DPP10: variants seen among roughly 807,000 people sequenced by gnomAD.
The protein encoded by DPP10 is dipeptidyl peptidase like 10.
In DPP10, 33 loss-of-function variants were observed where a neutral mutation model predicts 120.9. The ratio of observed to expected loss-of-function variants is 0.27; its 90% CI spans 0.21 to 0.37. DPP10 has a LOEUF of 0.37. Ranked by LOEUF, DPP10 falls within the 10% of genes least tolerant of loss-of-function variation. The pLI, the probability that DPP10 is intolerant of heterozygous loss-of-function variation, is 1.00. For synonymous variants in DPP10, 337 were observed against 326.1 expected (o/e 1.03, Z -0.36); for missense variants, 816 against 942.8 (o/e 0.87, Z 1.76).
intron 5 of DPP10, among the ~76,000 whole-genome samples, chr2:115,536,940 T>G (rs1200660946): frequency 6.6e-6 from 1 of 152,080 alleles, no homozygotes. Context: ...TAGCAAGCGA[T>G]GGAGTAAAAG....
intron 7 of DPP10, among the ~76,000 whole-genome samples, chr2:115,700,420 G>A (rs2091836181): frequency 6.6e-6 from 1 of 151,840 alleles, no homozygotes; most frequent in African/African-American, 2.4e-5. Context: ...CTAGAAATAG[G>A]AGAAAAGTAC....
chr2:115,667,967 A>G lies in DPP10; in HGVS notation c.442-21720A>G, dbSNP rs567929769. Reference sequence around the variant, plus strand: ...CACAGGTGGGAATTTTAATATACAGATGATTAATATGTTAAATATATGTGT... The same window carrying G: ...CACAGGTGGGAATTTTAATATACAGGTGATTAATATGTTAAATATATGTGT... On this transcript the variant is annotated intron_variant, in intron 5 of 25. Transcript: ENST00000410059. Among the ~76,000 whole-genome samples, 17 of 152,226 alleles carry G rather than the reference A, an allele frequency of 1.1e-4. No individual in the cohort carries two copies. In the East Asian group the frequency reaches 3.3e-3, roughly 29 times the overall value.
intron 1 of DPP10, among the ~76,000 whole-genome samples, chr2:115,052,802 A>C (rs1222755245): frequency 6.6e-6 from 1 of 152,148 alleles, no homozygotes; most frequent in Non-Finnish European, 1.5e-5. Flanking sequence ...AAATACAAAA[A>C]TTAGCCGGAC....
At chr2:115,221,614 C>A (rs909306077) in intron 1 of DPP10, among the ~76,000 whole-genome samples, 6 of 152,094 alleles carry the variant, frequency 3.9e-5, no homozygotes, top group African/African-American at 1.2e-4. Context: ...CTTGTTTATT[C>A]TACACTGCCT....
intron 5 of DPP10, among the ~76,000 whole-genome samples, chr2:115,668,611 C>CCA (rs1227115415): frequency 6.6e-6 from 1 of 152,088 alleles, no homozygotes; most frequent in Non-Finnish European, 1.5e-5. Context: ...TCTCAGTTCA[C>CCA]CACAGGCTTC....
rs1468423074 is a variant in DPP10 at position 114,644,330 on chromosome 2, CTCTGTGTGTG to C, written c.60+201504_60+201513del. 1.3e-5 allele frequency among the ~76,000 whole-genome samples: 2 copies of C among 148,958 alleles called. 1 individual carries two copies. Among genetic ancestry groups the C allele is most frequent in the African/African-American group, 5.1e-5 (2 of 39,502 alleles). On this transcript the variant is annotated intron_variant, in intron 1 of 25. Transcript: ENST00000410059. ...ATGTAGTCCTACCTAATATAGTTTC[CTCTGTGTGTG>C]TCTGTGTGTGTGTGTGTGTGTGTGT...
chr2:114,865,210 T>C (rs1426550130), intron 1 of DPP10, among the ~76,000 whole-genome samples: 1 of 152,220 alleles, frequency 6.6e-6, no homozygotes, highest in Non-Finnish European at 1.5e-5. Context: ...TCAGTTTCAC[T>C]GCAGGGATCT....
At chr2:114,749,548 C>CTTTTATTTTG in intron 1 of DPP10, among the ~76,000 whole-genome samples, 2 of 125,632 alleles carry the variant, frequency 1.6e-5, no homozygotes, top group South Asian at 2.7e-4. Flanking sequence ...TCTAGCACTG[C>CTTTTATTTTG]TTTTATTTTA....
intron 5 of DPP10, among the ~76,000 whole-genome samples, chr2:115,671,301 A>G (rs186352909): frequency 1.3e-5 from 2 of 152,004 alleles, no homozygotes; most frequent in Admixed American, 1.3e-4. Flanking sequence ...CCAAGATGAT[A>G]TTTTAATTTA....
intron 1 of DPP10, among the ~76,000 whole-genome samples, chr2:114,625,614 G>A (rs1025809737): frequency 5.9e-5 from 9 of 151,886 alleles, no homozygotes; most frequent in South Asian, 4.1e-4. Context: ...TTTTAAAATC[G>A]TATGTTGATA....
chr2:114,646,408 G>A (rs1696140771), intron 1 of DPP10, among the ~76,000 whole-genome samples: 1 of 152,008 alleles, frequency 6.6e-6, no homozygotes, highest in Non-Finnish European at 1.5e-5. Flanking sequence ...AACGACAAGG[G>A]CACATATCAC....
At chr2:114,473,877 A>G (rs1481176840) in intron 1 of DPP10, among the ~76,000 whole-genome samples, 2 of 152,230 alleles carry the variant, frequency 1.3e-5, no homozygotes, top group African/African-American at 4.8e-5. Context: ...ACATACATAC[A>G]TACATACACA....
At chr2:114,792,665 A>C (rs1233174109) in intron 1 of DPP10, among the ~76,000 whole-genome samples, 1 of 152,210 alleles carries the variant, frequency 6.6e-6, no homozygotes, top group African/African-American at 2.4e-5. Context: ...GGTATCTAGA[A>C]TTTTGGTAGT....
intron 1 of DPP10, among the ~76,000 whole-genome samples, chr2:114,521,071 A>T (rs997324562): frequency 3.9e-5 from 6 of 152,222 alleles, no homozygotes; most frequent in Admixed American, 2.0e-4. Flanking sequence ...GTAAAGGGAC[A>T]TGGGAAACAA....
intron 1 of DPP10, among the ~76,000 whole-genome samples, chr2:115,241,161 C>T (rs947522506): frequency 3.9e-5 from 6 of 152,126 alleles, no homozygotes; most frequent in Non-Finnish European, 7.4e-5. Context: ...TCCAGCTACT[C>T]AGGAGGCTGA....
In DPP10 at chr2:115,260,446, A is replaced by T. The variant is rs575636719; in HGVS notation, c.61-48793A>T. ...CTGTTCAATTGGAGGTCAGACGTTC[A>T]ACTCAAGAAAGGCTTGGCGCAAGAT... On this transcript the variant is annotated intron_variant, in intron 1 of 25. Transcript: ENST00000410059. Among the ~76,000 whole-genome samples, 165 of 152,320 alleles carry T rather than the reference A, an allele frequency of 1.1e-3. No homozygotes were observed. The Middle Eastern group carries it at 0.014, about 13-fold the overall frequency.
At chr2:115,134,447 A>T (rs955787645) in intron 1 of DPP10, among the ~76,000 whole-genome samples, 2 of 152,196 alleles carry the variant, frequency 1.3e-5, no homozygotes, top group Admixed American at 6.5e-5. Flanking sequence ...AATCATATGA[A>T]ATATGTGTTA....
chr2:115,572,496 AAC>A (rs943868087), intron 5 of DPP10, among the ~76,000 whole-genome samples: 1 of 152,212 alleles, frequency 6.6e-6, no homozygotes, highest in South Asian at 2.1e-4. Context: ...CACATATGTA[AAC>A]ACAGATATGC....
At chr2:114,941,310 A>G (rs1237361630) in intron 1 of DPP10, among the ~76,000 whole-genome samples, 1 of 152,132 alleles carries the variant, frequency 6.6e-6, no homozygotes, top group East Asian at 1.9e-4. Flanking sequence ...CTTGGATTTC[A>G]TTTAGGGACT....
Sources: allele counts gnomAD v4.1 joint callset (sites outside exome capture counted in the v4.1 genomes callset), GRCh38; gene constraint gnomAD v4.1.1; transcripts MANE v1.5; gene names NCBI Gene and HGNC (gene_info 2026-07-23, HGNC 2026-07-21).